Variants in POU2F2 observed in about 807,000 individuals in gnomAD.
POU2F2 encodes the protein POU domain, class 2, transcription factor 2.
Under a neutral mutation model 63.5 loss-of-function variants are expected in POU2F2, and 14 were observed. The observed-to-expected ratio is 0.22, with a 90% CI of 0.15 to 0.34. The LOEUF (loss-of-function observed/expected upper bound fraction) is 0.34. Ranked by LOEUF, POU2F2 falls within the 10% of genes least tolerant of loss-of-function variation. The pLI is 1.00. For synonymous variants in POU2F2, 306 were observed against 348.6 expected, an observed-to-expected ratio of 0.88 and a Z score of 1.36; for missense variants, 607 against 815.2, an observed-to-expected ratio of 0.74 and a Z score of 3.11.
chr19:42,103,756 C>A (rs1008555022), intron 5 of POU2F2, among the ~76,000 whole-genome samples: 4 of 151,760 alleles, frequency 2.6e-5, no homozygotes, highest in Non-Finnish European at 4.4e-5. Context: ...CCTCAGCCTC[C>A]CAAGTAGCTG....
Position 42,091,426 on chromosome 19 carries a change from A to G in POU2F2, c.1706T>C (p.Leu569Pro), listed in dbSNP as rs930700368. Residue 569 changes from leucine to proline, a missense_variant, in exon 15 of 15, where the codon CTG becomes CCG. Coordinates refer to ENST00000692977, the MANE Select transcript of POU2F2 (RefSeq NM_001394376.1). ...CACAGCCGCAGCCGCTGCTGAGACC[A>G]GGCCCACACCAGGCGGGGTGCTGAG... ...PLLSTPPGVG[L>P]VSAAAAAVAA... 6.5e-7 allele frequency: 1 copy of G among 1,549,958 alleles called. No individual in the cohort carries two copies. The highest frequency in any genetic ancestry group is 8.7e-7 in the Non-Finnish European group (1 of 1,146,930).
At chr19:42,172,958 G>C (rs559030958) in intron 1 of POU2F2, among the ~76,000 whole-genome samples, 6 of 152,208 alleles carry the variant, frequency 3.9e-5, no homozygotes, top group Non-Finnish European at 8.8e-5. Context: ...TCGGTATGAG[G>C]AGGACCTTGG....
chr19:42,141,277 C>T (rs1037035206), intron 2 of POU2F2, among the ~76,000 whole-genome samples: 22 of 152,172 alleles, frequency 1.4e-4, no homozygotes, highest in African/African-American at 4.6e-4. Context: ...GTAAGGACAA[C>T]TGCCCTGCAG....
intron 1 of POU2F2, among the ~76,000 whole-genome samples, chr19:42,191,774 G>A (rs1410310616): frequency 6.6e-6 from 1 of 152,206 alleles, no homozygotes; most frequent in African/African-American, 2.4e-5. Flanking sequence ...CAGGTGCTGG[G>A]ATCAGAGAGC....
At chr19:42,136,466 C>T (rs960179960), upstream of POU2F2, among the ~76,000 whole-genome samples, 4 of 152,146 alleles carry the variant, frequency 2.6e-5, no homozygotes, top group Non-Finnish European at 4.4e-5. Context: ...AGATTACAGT[C>T]GTGAGCCACT....
chr19:42,129,618 TGCCTCCGCA>T (rs377546071), intron 1 of POU2F2, among the ~76,000 whole-genome samples: 2 of 152,314 alleles, frequency 1.3e-5, no homozygotes, highest in African/African-American at 4.8e-5. Context: ...CTGGGTCCCC[TGCCTCCGCA>T]GCCTGCTTCA....
chr19:42,102,678 G>A (rs1051876817), intron 5 of POU2F2, among the ~76,000 whole-genome samples: 2 of 151,920 alleles, frequency 1.3e-5, no homozygotes, highest in African/African-American at 2.4e-5. Context: ...TAGGGAAAGA[G>A]GGAGGGGAAA....
At chr19:42,123,847 TG>T (rs1211640786) in intron 1 of POU2F2, among the ~76,000 whole-genome samples, 1 of 152,142 alleles carries the variant, frequency 6.6e-6, no homozygotes, top group Non-Finnish European at 1.5e-5. Context: ...TGTGCCCAGA[TG>T]GCTCAAGTCC....
intron 1 of POU2F2, among the ~76,000 whole-genome samples, chr19:42,168,576 C>A (rs2034697096): frequency 6.6e-6 from 1 of 152,200 alleles, no homozygotes; most frequent in African/African-American, 2.4e-5. Flanking sequence ...TTCCTGGGCT[C>A]CCCACTCAGC....
intron 1 of POU2F2, among the ~76,000 whole-genome samples, chr19:42,130,918 C>T (rs2033655913): frequency 7.1e-6 from 1 of 139,966 alleles, no homozygotes; most frequent in Admixed American, 7.2e-5. Context: ...CTGCCTGGGC[C>T]TCCCCCATCC....
At chr19:42,122,625 A>C (rs2146632480) in intron 1 of POU2F2, 49 bp from the exon 2 acceptor site, 1 of 1,459,980 alleles carries the variant, frequency 6.8e-7, no homozygotes, top group Non-Finnish European at 9.3e-7. Context: ...GGAATCCAGG[A>C]GGGCTCTCGG....
intron 5 of POU2F2, among the ~76,000 whole-genome samples, chr19:42,114,458 G>A (rs1187059299): frequency 6.6e-6 from 1 of 152,118 alleles, no homozygotes; most frequent in Non-Finnish European, 1.5e-5. Flanking sequence ...GAGAACAAGA[G>A]CAGGGCCACT....
chr19:42,099,520 G>A lies in POU2F2; in HGVS notation c.567+7C>T. ...CCTGGCCTGGTGCACTCAATGGACA[G>A]TCTCACCTGTGTGGGAAGCCCGGCC... On this transcript the variant is annotated splice_region_variant and intron_variant, in intron 7 of 14. Coordinates refer to ENST00000692977, the MANE Select transcript of POU2F2 (RefSeq NM_001394376.1). 1 of 1,604,186 alleles carries A rather than the reference G, an allele frequency of 6.2e-7. No homozygotes were observed. The highest frequency in any genetic ancestry group is 1.7e-4 in the Middle Eastern group (1 of 6,046).
intron 2 of POU2F2, among the ~76,000 whole-genome samples, chr19:42,137,508 C>A (rs937048510): frequency 1.8e-4 from 28 of 152,006 alleles, no homozygotes. Flanking sequence ...AGTTGCTTGA[C>A]ACCAGGAGTT....
At chr19:42,133,339 A>G (rs372078809), upstream of POU2F2, 1 of 151,042 alleles carries the variant, frequency 6.6e-6, no homozygotes, top group African/African-American at 2.4e-5. This position sits in a 1 kb window ranked among gnomAD's most constrained non-coding sequence, Gnocchi z 5.1. Context: ...ACACCCTCCC[A>G]ACACCTCCGC....
intron 1 of POU2F2, among the ~76,000 whole-genome samples, chr19:42,189,964 C>A (rs538861931): frequency 6.6e-6 from 1 of 152,306 alleles, no homozygotes; most frequent in East Asian, 1.9e-4. Flanking sequence ...TTGGTTCAAG[C>A]AATCCTCCCG....
At chr19:42,138,427 G>T (rs186506496) in intron 2 of POU2F2, among the ~76,000 whole-genome samples, 1 of 152,256 alleles carries the variant, frequency 6.6e-6, no homozygotes, top group African/African-American at 2.4e-5. Flanking sequence ...AGCATTCAAG[G>T]GGGTTGCCAA....
chr19:42,086,928 A>G lies in POU2F2; in HGVS notation c.*4329T>C, dbSNP rs759410124. On this transcript the variant is annotated 3_prime_UTR_variant, in exon 15 of 15. Coordinates refer to ENST00000692977, the MANE Select transcript of POU2F2 (RefSeq NM_001394376.1). The stretch of plus-strand genomic sequence containing the variant: ...TTGTTTGTTTAACAAGGAGCTAACA[A>G]TTCAAGGACAAATACTTAAAAATAT... 2.0e-5 allele frequency: 3 copies of G among 152,142 alleles called. No individual in the cohort carries two copies. Among genetic ancestry groups the G allele is most frequent in the Non-Finnish European group, 4.4e-5 (3 of 68,026 alleles). 9.4% of individuals were successfully genotyped at this position (152,142 alleles called of 1,614,324 possible). A position where few individuals can be genotyped will look rare whatever the true frequency, so the allele number is the denominator to read the frequency against.
chr19:42,170,932 C>A (rs2034750884), intron 1 of POU2F2, among the ~76,000 whole-genome samples: 1 of 152,278 alleles, frequency 6.6e-6, no homozygotes, highest in African/African-American at 2.4e-5. Context: ...CGAGCCTCCC[C>A]TCCTCGCTGA....
Sources: gnomAD v4.1 joint callset for allele counts (sites outside exome capture counted in the v4.1 genomes callset) on GRCh38, gnomAD v4.1.1 for gene constraint, Gnocchi (gnomAD v3.1) non-coding constraint, MANE v1.5 for transcripts, NCBI Gene and HGNC (gene_info 2026-07-23, HGNC 2026-07-21) for gene names.